NRXN3: variants seen among roughly 807,000 people sequenced by gnomAD.
The protein encoded by NRXN3 is neurexin 3.
Under a neutral mutation model 137.6 loss-of-function variants are expected in NRXN3, and 32 were observed. The observed-to-expected ratio is 0.23, with a 90% confidence interval of 0.18 to 0.31. NRXN3 has a LOEUF of 0.31. Among genes scored for constraint, NRXN3 ranks in the 10% least tolerant of loss-of-function variants. The pLI, the probability that NRXN3 is intolerant of heterozygous loss-of-function variation, is 1.00. For missense variants in NRXN3, 1,574 were observed against 2,062.5 expected, an observed-to-expected ratio of 0.76 and a Z score of 4.59; for synonymous variants, 798 against 784.5, an observed-to-expected ratio of 1.02 and a Z score of -0.29.
chr14:79,017,259 A>C (rs1264889382), intron 15 of NRXN3, among the ~76,000 whole-genome samples: 1 of 151,670 alleles, frequency 6.6e-6, no homozygotes, highest in Non-Finnish European at 1.5e-5. Flanking sequence ...ACCCCTTTCT[A>C]CAAGAACTTT....
intron 15 of NRXN3, among the ~76,000 whole-genome samples, chr14:79,161,959 G>A (rs1378448107): frequency 4.6e-5 from 7 of 151,906 alleles, no homozygotes; most frequent in East Asian, 3.9e-4. Context: ...GTAGTTCAAA[G>A]TCTAAGAACA....
chr14:78,762,991 T>A (rs1028295624), intron 8 of NRXN3, among the ~76,000 whole-genome samples: 3 of 152,304 alleles, frequency 2.0e-5, no homozygotes, highest in Middle Eastern at 3.4e-3. Flanking sequence ...TAAGCTTAAG[T>A]GCAATGTGTA....
intron 6 of NRXN3, among the ~76,000 whole-genome samples, chr14:78,697,378 A>C (rs1452898227): frequency 6.6e-6 from 1 of 152,058 alleles, no homozygotes; most frequent in Non-Finnish European, 1.5e-5. Flanking sequence ...ATGTTATAAT[A>C]AAAGACTATT....
In NRXN3 at chr14:78,967,232, C is replaced by T. The variant is rs779610085; in HGVS notation, c.2802C>T (p.Leu934=). 1.7e-5 allele frequency: 28 copies of T among 1,610,534 alleles called. No homozygotes were observed. The highest frequency in any genetic ancestry group is 1.6e-4 in the Middle Eastern group (1 of 6,078). ...GGTATATACACTACGTTTTTGACCT[C>T]GGAAACGGTCCCAATGTGATCAAAG... ...VKGYIHYVFD[L]GNGPNVIKGN... is the part of the protein sequence containing the mutation. The change falls in exon 13 of 21, where the codon CTC becomes CTT. Residue 934 remains leucine, a synonymous_variant. Coordinates refer to ENST00000335750, the MANE Select transcript of NRXN3 (RefSeq NM_001330195.2).
At chr14:79,315,745 G>C (rs756216472) in intron 15 of NRXN3, among the ~76,000 whole-genome samples, 1 of 152,196 alleles carries the variant, frequency 6.6e-6, no homozygotes, top group Non-Finnish European at 1.5e-5. Context: ...AAGCAAGCCT[G>C]AGTATATTCT....
At chr14:78,619,306 T>C (rs1445346012) in intron 4 of NRXN3, among the ~76,000 whole-genome samples, 1 of 152,182 alleles carries the variant, frequency 6.6e-6, no homozygotes, top group Non-Finnish European at 1.5e-5. Flanking sequence ...ATAGACTGAA[T>C]GTTTTTCCCC....
At chr14:78,484,263 C>T (rs1008095042) in intron 4 of NRXN3, among the ~76,000 whole-genome samples, 2 of 152,118 alleles carry the variant, frequency 1.3e-5, no homozygotes, top group African/African-American at 4.8e-5. Flanking sequence ...AACACACACA[C>T]CAATGAATGG....
intron 15 of NRXN3, among the ~76,000 whole-genome samples, chr14:79,199,002 T>G (rs112511841): frequency 0.048 from 7,374 of 152,116 alleles, 607 homozygotes; most frequent in African/African-American, 0.17. Flanking sequence ...CTCTCTCTAC[T>G]AAAAATACAA....
chr14:78,689,763 T>A (rs565907317), intron 6 of NRXN3, among the ~76,000 whole-genome samples: 2 of 152,204 alleles, frequency 1.3e-5, no homozygotes, highest in South Asian at 4.2e-4. Flanking sequence ...TGACACCCCT[T>A]CTCTGGAGTA....
chr14:78,558,785 ATATCATC>A (rs2096761225), intron 4 of NRXN3, among the ~76,000 whole-genome samples: 1 of 152,240 alleles, frequency 6.6e-6, no homozygotes. Flanking sequence ...ATGATAAATT[ATATCATC>A]TATTATGGAT....
chr14:79,578,115 T>A (rs112591394), intron 16 of NRXN3, among the ~76,000 whole-genome samples: 1 of 152,202 alleles, frequency 6.6e-6, no homozygotes, highest in Admixed American at 6.5e-5. Context: ...TCAGATTTGA[T>A]AATTTGCTCA....
intron 17 of NRXN3, among the ~76,000 whole-genome samples, chr14:79,680,261 G>C (rs1308312083): frequency 1.3e-5 from 2 of 152,114 alleles, no homozygotes; most frequent in Non-Finnish European, 2.9e-5. Flanking sequence ...TATAGTCGCA[G>C]CTATTTGGGC....
chr14:78,230,419 T>C (rs1038433062), intron 1 of NRXN3, among the ~76,000 whole-genome samples: 1 of 152,092 alleles, frequency 6.6e-6, no homozygotes, highest in Non-Finnish European at 1.5e-5. Flanking sequence ...CTGCATCTTT[T>C]ATTCTTCTTT....
intron 4 of NRXN3, among the ~76,000 whole-genome samples, chr14:78,436,080 A>C (rs1341362216): frequency 6.6e-6 from 1 of 152,196 alleles, no homozygotes; most frequent in Non-Finnish European, 1.5e-5. Context: ...CAGGAGTGAG[A>C]GTGCTTGGTG....
At chr14:78,674,106 A>G (rs1378136298) in intron 6 of NRXN3, among the ~76,000 whole-genome samples, 1 of 152,106 alleles carries the variant, frequency 6.6e-6, no homozygotes. Context: ...AGAAACTGGG[A>G]CAGAAGCAGC....
chr14:79,762,719 C>G (rs913168631), intron 19 of NRXN3, among the ~76,000 whole-genome samples: 1 of 151,406 alleles, frequency 6.6e-6, no homozygotes, highest in African/African-American at 2.5e-5. Flanking sequence ...TGGTTTCGTG[C>G]GATGCCTGTC....
chr14:78,647,951 T>C (rs2097703191), intron 5 of NRXN3, among the ~76,000 whole-genome samples: 1 of 152,212 alleles, frequency 6.6e-6, no homozygotes, highest in South Asian at 2.1e-4. Context: ...TTTGGTAAGA[T>C]TGAATGGCTT....
chr14:78,562,639 C>A (rs933007410), intron 4 of NRXN3, among the ~76,000 whole-genome samples: 1 of 152,088 alleles, frequency 6.6e-6, no homozygotes, highest in Non-Finnish European at 1.5e-5. Context: ...AATGAAGAAA[C>A]CAGCTTGCAC....
intron 15 of NRXN3, among the ~76,000 whole-genome samples, chr14:79,023,657 G>A (rs1475785296): frequency 6.6e-6 from 1 of 152,108 alleles, no homozygotes; most frequent in Non-Finnish European, 1.5e-5. Context: ...GGAAGGTGAA[G>A]GGGAAGAAAG....
Sources: gnomAD v4.1 joint callset for allele counts (sites outside exome capture counted in the v4.1 genomes callset) on GRCh38, gnomAD v4.1.1 for gene constraint, MANE v1.5 for transcripts, NCBI Gene and HGNC (gene_info 2026-07-23, HGNC 2026-07-21) for gene names.